TTLL5: variants seen among roughly 807,000 people sequenced by gnomAD.
The protein encoded by TTLL5 is tubulin polyglutamylase TTLL5.
A neutral mutation model predicts 168.4 loss-of-function variants in TTLL5; 132 were observed. That is an observed-to-expected ratio of 0.78 (90% confidence interval 0.68 to 0.91). TTLL5 has a LOEUF of 0.91. Ranked by LOEUF, TTLL5 falls within the 40% of genes least tolerant of loss-of-function variation. TTLL5 has a pLI of 0.00. For synonymous variants in TTLL5, 546 were observed against 558.6 expected, an observed-to-expected ratio of 0.98 and a Z score of 0.32; for missense variants, 1,545 against 1,581.5, an observed-to-expected ratio of 0.98 and a Z score of 0.39.
intron 31 of TTLL5, among the ~76,000 whole-genome samples, chr14:75,921,377 AATCC>A (rs942730901): frequency 3.3e-4 from 50 of 152,334 alleles, no homozygotes; most frequent in African/African-American, 1.2e-3. Flanking sequence ...TTAAGTCTTT[AATCC>A]ATCTTGAATT....
intron 31 of TTLL5, among the ~76,000 whole-genome samples, chr14:75,948,217 G>T (rs2034839235): frequency 6.6e-6 from 1 of 152,152 alleles, no homozygotes; most frequent in South Asian, 2.1e-4. Flanking sequence ...GGGCACAGTG[G>T]TTCACACCTG....
Position 75,699,146 on chromosome 14 carries a change from T to C in TTLL5, c.503-42T>C, listed in dbSNP as rs1424542007. 4 of 1,551,818 alleles carry C rather than the reference T, an allele frequency of 2.6e-6. No homozygotes were observed. The Admixed American group carries it at 6.7e-5, about 26-fold the overall frequency. On this transcript the variant is annotated intron_variant, in intron 6 of 31. Transcript: ENST00000298832. The stretch of plus-strand genomic sequence containing the variant: ...ATAATAAACTCAAGTTCATTCTTTT[T>C]CTTTGTTTCCTCTGTTTTTTATCTC...
At chr14:75,718,637 T>C (rs1887627542) in intron 10 of TTLL5, among the ~76,000 whole-genome samples, 1 of 152,088 alleles carries the variant, frequency 6.6e-6, no homozygotes, top group Non-Finnish European at 1.5e-5. Flanking sequence ...TTTTCTAAAT[T>C]TTTCTAAAAT....
At chr14:75,935,581 G>T (rs1401809354) in intron 31 of TTLL5, among the ~76,000 whole-genome samples, 1 of 152,228 alleles carries the variant, frequency 6.6e-6, no homozygotes, top group East Asian at 1.9e-4. Context: ...AAAAAGATGT[G>T]TTGGGATTTG....
Position 75,745,096 on chromosome 14 carries a change from G to C in TTLL5, c.1283G>C (p.Arg428Pro). 1 of 1,613,554 alleles carries C rather than the reference G, an allele frequency of 6.2e-7. No homozygotes were observed. Among genetic ancestry groups the C allele is most frequent in the Non-Finnish European group, 8.5e-7 (1 of 1,179,714 alleles). ...SRRNPFQKPQRCRPLSASDAE... is the reference protein window; with the variant it reads ...SRRNPFQKPQPCRPLSASDAE... ...CTATTTTCATTTTCTTCTCCTTAGCGTTGCCGTCCACTCTCTGCCAGTGAT... is the reference window on the plus strand; with the variant it reads ...CTATTTTCATTTTCTTCTCCTTAGCCTTGCCGTCCACTCTCTGCCAGTGAT... The change falls in exon 16 of 32, where the codon CGT becomes CCT. Residue 428 changes from arginine (R) to proline (P), a missense_variant and splice_region_variant. Physicochemically the swap from Arg to Pro is moderately radical, Grantham distance 103. Transcript: ENST00000298832.
At chr14:75,897,302 A>C in intron 30 of TTLL5, among the ~76,000 whole-genome samples, 1 of 152,318 alleles carries the variant, frequency 6.6e-6, no homozygotes, top group Admixed American at 6.5e-5. Context: ...ACATGTCCCA[A>C]GGAAAGAGAT....
At chr14:75,873,358 G>A (rs1158953484) in intron 29 of TTLL5, among the ~76,000 whole-genome samples, 6 of 152,186 alleles carry the variant, frequency 3.9e-5, no homozygotes, top group Admixed American at 1.3e-4. Flanking sequence ...ACAGGTGTGA[G>A]CCACCACGCC....
intron 17 of TTLL5, among the ~76,000 whole-genome samples, chr14:75,747,100 G>A (rs1192726753): frequency 6.6e-6 from 1 of 151,910 alleles, no homozygotes; most frequent in Non-Finnish European, 1.5e-5. Flanking sequence ...ATCTGGCTGT[G>A]CTCATGTTTT....
At chr14:75,911,064 C>T (rs2033362159) in intron 31 of TTLL5, among the ~76,000 whole-genome samples, 1 of 152,132 alleles carries the variant, frequency 6.6e-6, no homozygotes, top group Non-Finnish European at 1.5e-5. Flanking sequence ...CGCTCTGTCA[C>T]CCAGCCAGAC....
chr14:75,723,603 TTTTGTTTG>T (rs144575918), intron 12 of TTLL5, among the ~76,000 whole-genome samples: 2,048 of 152,312 alleles, frequency 0.013, 17 homozygotes, highest in South Asian at 0.025. Flanking sequence ...GAATGTTTCC[TTTTGTTTG>T]TTTGTTTGTT....
intron 6 of TTLL5, 47 bp from the exon 7 acceptor site, chr14:75,699,141 C>A (rs765641800): frequency 6.5e-7 from 1 of 1,537,740 alleles, no homozygotes. Context: ...CAAGTTCATT[C>A]TTTTTCTTTG....
At position 75,746,938 on chromosome 14, in the gene TTLL5, A is replaced by G. The variant is rs112723930; in HGVS notation, c.1487+1357A>G. ...TTCATGTTTCTTGTGCTCGGGATTC[A>G]TTGAGCTTCTTCATCTATGGGCTTA... On this transcript the variant is annotated intron_variant, in intron 17 of 31. Transcript: ENST00000298832. Among the ~76,000 whole-genome samples, 231 of 152,254 alleles carry G rather than the reference A, an allele frequency of 1.5e-3. 1 individual carries two copies. The highest frequency in any genetic ancestry group is 5.2e-3 in the African/African-American group (215 of 41,562).
At chr14:75,706,723 A>G (rs1886683050) in intron 7 of TTLL5, among the ~76,000 whole-genome samples, 1 of 151,964 alleles carries the variant, frequency 6.6e-6, no homozygotes, top group African/African-American at 2.4e-5. Context: ...AATATCATGT[A>G]TATACATCTT....
chr14:75,775,779 G>T lies in TTLL5; in HGVS notation c.2283+149G>T, dbSNP rs1017589337. The T allele has an allele frequency of 1.4e-5, 14 of 1,026,256 alleles. No individual in the cohort carries two copies. The East Asian group carries it at 2.9e-4, about 21-fold the overall frequency. The allele number at this position is 1,026,256 out of a possible 1,614,324, so 63.6% of individuals were successfully genotyped here. On this transcript the variant is annotated intron_variant, in intron 22 of 31. Coordinates refer to ENST00000298832, the MANE Select transcript of TTLL5 (RefSeq NM_015072.5). The stretch of plus-strand genomic sequence containing the variant: ...TTATGTATTACTGTTAGGGGAAGCA[G>T]GACCCCACACCTTAACTCAGCTGGT...
intron 24 of TTLL5, among the ~76,000 whole-genome samples, chr14:75,782,250 C>T (rs568568688): frequency 1.3e-5 from 2 of 152,088 alleles, no homozygotes; most frequent in South Asian, 2.1e-4. Flanking sequence ...GGTTTAGGTA[C>T]CGTTCGCCAG....
chr14:75,834,447 A>G (rs1331257047), intron 28 of TTLL5, among the ~76,000 whole-genome samples: 1 of 152,190 alleles, frequency 6.6e-6, no homozygotes, highest in Non-Finnish European at 1.5e-5. Context: ...ACATTTCTGC[A>G]TCTTTATACC....
At chr14:75,931,963 C>T (rs2034290851) in intron 31 of TTLL5, among the ~76,000 whole-genome samples, 1 of 152,180 alleles carries the variant, frequency 6.6e-6, no homozygotes, top group Non-Finnish European at 1.5e-5. Flanking sequence ...ATGTCATTCA[C>T]CTCTGTATCA....
intron 12 of TTLL5, among the ~76,000 whole-genome samples, chr14:75,729,150 G>A (rs189667424): frequency 5.1e-4 from 77 of 152,268 alleles, no homozygotes; most frequent in African/African-American, 1.8e-3. Flanking sequence ...AAGGAAAATT[G>A]TCCTGGGGAA....
chr14:75,899,533 A>G (rs1017084572), intron 30 of TTLL5, among the ~76,000 whole-genome samples: 1 of 152,232 alleles, frequency 6.6e-6, no homozygotes, highest in Non-Finnish European at 1.5e-5. Flanking sequence ...AATTCACTCA[A>G]AAGTTTCCCC....
Sources: allele counts gnomAD v4.1 joint callset (sites outside exome capture counted in the v4.1 genomes callset), GRCh38; gene constraint gnomAD v4.1.1; transcripts MANE v1.5; gene names NCBI Gene and HGNC (gene_info 2026-07-23, HGNC 2026-07-21).